The following SOCS7 variants were observed in gnomAD, a reference collection of about 807,000 sequenced individuals.
SOCS7 encodes the protein NAP-4.
Under a neutral mutation model 58.9 loss-of-function variants are expected in SOCS7, and 18 were observed. That is an observed-to-expected ratio of 0.31 (90% CI 0.21 to 0.45). The LOEUF (loss-of-function observed/expected upper bound fraction) is 0.45. SOCS7 is among the 20% of genes least tolerant of loss of function. SOCS7 has a pLI of 1.00. For synonymous variants in SOCS7, 388 were observed against 364.3 expected (o/e 1.06, Z -0.74); for missense variants, 667 against 837.3 (o/e 0.80, Z 2.51).
chr17:38,365,443 T>C (rs1555568177), intron 4 of SOCS7, 34 bp downstream of exon 4: 8 of 1,417,060 alleles, frequency 5.6e-6, no homozygotes, highest in East Asian at 2.3e-5. Context: ...CTTGTAAGAG[T>C]TGGGAGTACA....
intron 6 of SOCS7, among the ~76,000 whole-genome samples, chr17:38,373,032 G>C (rs867990120): frequency 2.5e-4 from 38 of 152,126 alleles, no homozygotes; most frequent in African/African-American, 8.2e-4. Context: ...ATTGAACCTG[G>C]GAGGCAGAGG....
At chr17:38,366,075 C>T (rs2144334986) in intron 4 of SOCS7, 1 of 1,236,014 alleles carries the variant, frequency 8.1e-7, no homozygotes, top group Middle Eastern at 3.0e-4. Flanking sequence ...GGGTCAAGTG[C>T]CCCCACCCAT....
chr17:38,368,096 C>T (rs748059025), intron 6 of SOCS7, 46 bp downstream of exon 6: 2 of 1,515,136 alleles, frequency 1.3e-6, no homozygotes, highest in Non-Finnish European at 1.8e-6. Flanking sequence ...TTGATTTGCT[C>T]TACCTTTGCT....
chr17:38,371,763 T>G (rs1278311254), intron 6 of SOCS7, among the ~76,000 whole-genome samples: 1 of 149,658 alleles, frequency 6.7e-6, no homozygotes, highest in African/African-American at 2.5e-5. Context: ...TGTTTTTTTT[T>G]TTTTTTTTTT....
rs1390712053 is a variant in SOCS7 at position 38,365,603 on chromosome 17, A to T, written c.1252+194A>T. The T allele has an allele frequency of 2.3e-5, 10 of 437,052 alleles. No homozygotes were observed. The Admixed American group carries it at 4.2e-4, about 19-fold the overall frequency. 27.1% of individuals were successfully genotyped at this position (437,052 alleles called of 1,614,324 possible). A position where few individuals can be genotyped will look rare whatever the true frequency, so the allele number is the denominator to read the frequency against. On this transcript the variant is annotated intron_variant, in intron 4 of 9. Coordinates refer to ENST00000612932, the MANE Select transcript of SOCS7 (RefSeq NM_014598.4). ...TTTTCCTAACCCGTTTTCTTTATGG[A>T]GGTCAATCTGATTTTTGTTAGGGAT...
At chr17:38,378,276 G>A (rs1417129002) in intron 7 of SOCS7, among the ~76,000 whole-genome samples, 2 of 152,116 alleles carry the variant, frequency 1.3e-5, no homozygotes, top group Non-Finnish European at 2.9e-5. Context: ...GGTGGCTCAT[G>A]CCTGTAATCC....
chr17:38,373,837 C>T (rs1183582380), intron 6 of SOCS7, among the ~76,000 whole-genome samples: 1 of 152,220 alleles, frequency 6.6e-6, no homozygotes, highest in Non-Finnish European at 1.5e-5. Context: ...ACACTCATTG[C>T]ACTTGGTACT....
intron 7 of SOCS7, among the ~76,000 whole-genome samples, chr17:38,394,621 A>AT (rs1171623730): frequency 2.0e-5 from 3 of 152,182 alleles, no homozygotes; most frequent in Non-Finnish European, 4.4e-5. Flanking sequence ...AGTATCTCCC[A>AT]TTCCCAGCAG....
At chr17:38,366,057 C>A (rs2037784646) in intron 4 of SOCS7, 7 of 1,308,158 alleles carry the variant, frequency 5.4e-6, no homozygotes, top group Non-Finnish European at 9.8e-7. Flanking sequence ...TCCCCTCCCC[C>A]TTTCTTGGGG....
At position 38,359,738 on chromosome 17, in the gene SOCS7, G is replaced by GTT. The variant is rs926507808; in HGVS notation, c.981-1972_981-1971dup. On this transcript the variant is annotated intron_variant, in intron 1 of 9. Coordinates refer to ENST00000612932, the MANE Select transcript of SOCS7 (RefSeq NM_014598.4). ...GGATTTTCTTTAAGTCTGTTTTACT[G>GTT]TTATATATATATATATATTATTTTT... Among the ~76,000 whole-genome samples, 115 of 148,864 alleles carry GTT rather than the reference G, an allele frequency of 7.7e-4. 1 individual carries two copies. The highest frequency in any genetic ancestry group is 9.7e-4 in the East Asian group (5 of 5,138).
rs982491910 is a variant in SOCS7 at position 38,403,695 on chromosome 17, G to C, written c.*4213G>C. 1 of 152,116 alleles carries C rather than the reference G, an allele frequency of 6.6e-6. No homozygotes were observed. The highest frequency in any genetic ancestry group is 2.4e-5 in the African/African-American group (1 of 41,414). 9.4% of individuals were successfully genotyped at this position (152,116 alleles called of 1,614,324 possible). On this transcript the variant is annotated 3_prime_UTR_variant, in exon 10 of 10. Coordinates refer to ENST00000612932, the MANE Select transcript of SOCS7 (RefSeq NM_014598.4). ...AGCATCTCCACTGGGCGGAGACCTGGCATTTGTTTTCCACTGTTAAGAGAA... is the reference window on the plus strand; with the variant it reads ...AGCATCTCCACTGGGCGGAGACCTGCCATTTGTTTTCCACTGTTAAGAGAA...
chr17:38,395,964 C>T lies in SOCS7; in HGVS notation c.1934C>T (p.Thr645Met), dbSNP rs771610215. 10 of 1,603,358 alleles carry T rather than the reference C, an allele frequency of 6.2e-6. No homozygotes were observed. Among genetic ancestry groups the T allele is most frequent in the South Asian group, 4.5e-5 (4 of 88,904 alleles). The change falls in exon 9 of 10, where the codon ACG (threonine) becomes ATG (methionine). Residue 645 changes from threonine (T) to methionine (M), a missense_variant. Physicochemically the swap from Thr to Met is moderately conservative, Grantham distance 81. Coordinates refer to ENST00000612932, the MANE Select transcript of SOCS7 (RefSeq NM_014598.4). ...SKQKQEVEPS[T>M] ...CAGAAGCAAGAGGTGGAACCCTCCA[C>T]GTAGCGAGGGGCTCCCTGCTGGTCA...
chr17:38,364,471 T>C (rs1555567992), intron 2 of SOCS7, among the ~76,000 whole-genome samples: 1 of 152,178 alleles, frequency 6.6e-6, no homozygotes. Context: ...GAGGGTACGT[T>C]GTAAGTCAGT....
chr17:38,355,113 C>A (rs1458874604), intron 1 of SOCS7, among the ~76,000 whole-genome samples: 3 of 152,088 alleles, frequency 2.0e-5, no homozygotes, highest in South Asian at 4.1e-4. Flanking sequence ...TGTGTATAAA[C>A]GTTTGGTTGA....
chr17:38,396,051 A>G, intron 9 of SOCS7, 53 bp downstream of exon 9: 3 of 1,452,312 alleles, frequency 2.1e-6, no homozygotes, highest in East Asian at 2.4e-5. Context: ...GGCAGTCATC[A>G]TCATGCATTG....
At chr17:38,389,104 A>G (rs752593519) in intron 7 of SOCS7, among the ~76,000 whole-genome samples, 7 of 152,232 alleles carry the variant, frequency 4.6e-5, no homozygotes, top group Non-Finnish European at 8.8e-5. Context: ...TTTTGAATAT[A>G]GCCATCCTAG....
chr17:38,359,591 C>G (rs2037687535), intron 1 of SOCS7, among the ~76,000 whole-genome samples: 1 of 152,002 alleles, frequency 6.6e-6, no homozygotes, highest in Non-Finnish European at 1.5e-5. Context: ...GCTTTTGCCC[C>G]TCTCTATTGG....
intron 6 of SOCS7, among the ~76,000 whole-genome samples, chr17:38,372,167 C>G (rs576113057): frequency 6.6e-6 from 1 of 152,090 alleles, no homozygotes; most frequent in African/African-American, 2.4e-5. Context: ...TTTGTAAAAT[C>G]TTACAGATAA....
chr17:38,389,907 A>ATATATATATATATATAT (rs2038146563), intron 7 of SOCS7, among the ~76,000 whole-genome samples: 1 of 90,230 alleles, frequency 1.1e-5, no homozygotes, highest in Non-Finnish European at 2.3e-5. Flanking sequence ...ATACACATAT[A>ATATATATATATATATAT]GAGAGAGAGA....
Sources: allele counts gnomAD v4.1 joint callset (sites outside exome capture counted in the v4.1 genomes callset), GRCh38; gene constraint gnomAD v4.1.1; transcripts MANE v1.5; gene names NCBI Gene and HGNC (gene_info 2026-07-23, HGNC 2026-07-21).